The following COL25A1 variants were observed in gnomAD, a reference collection of about 807,000 sequenced individuals.
The protein encoded by COL25A1 is collagen alpha-1(XXV) chain.
COL25A1 carries 103 observed loss-of-function variants against 128.4 expected under a neutral mutation model. That is an observed-to-expected ratio of 0.80 (90% CI 0.68 to 0.94). COL25A1 has a LOEUF of 0.94. Ranked by LOEUF, COL25A1 falls within the 40% of genes least tolerant of loss-of-function variation. The pLI, the probability that COL25A1 is intolerant of heterozygous loss-of-function variation, is 0.00. For missense variants in COL25A1, 745 were observed against 840.0 expected (o/e 0.89, Z 1.40); for synonymous variants, 279 against 277.2 (o/e 1.01, Z -0.06).
chr4:108,844,605 T>C, intron 29 of COL25A1, 36 bp from the exon 30 acceptor site: 1 of 1,598,290 alleles, frequency 6.3e-7, no homozygotes, highest in Non-Finnish European at 8.5e-7. Context: ...ATTTGGTTAC[T>C]TCATTTAGAT....
chr4:109,290,063 C>A (rs985763905), intron 3 of COL25A1, among the ~76,000 whole-genome samples: 7 of 151,934 alleles, frequency 4.6e-5, no homozygotes, highest in African/African-American at 1.7e-4. Context: ...ATACATGTTA[C>A]TGATTATACA....
chr4:108,818,427 T>C (rs1040229583), intron 36 of COL25A1, among the ~76,000 whole-genome samples: 5 of 152,170 alleles, frequency 3.3e-5, no homozygotes, highest in Non-Finnish European at 7.4e-5. Flanking sequence ...TTTTTATTTA[T>C]ACCTCAGAAA....
At chr4:109,047,984 G>A (rs1453955897) in intron 5 of COL25A1, among the ~76,000 whole-genome samples, 184 bp downstream of exon 5, 3 of 151,784 alleles carry the variant, frequency 2.0e-5, no homozygotes, top group African/African-American at 4.8e-5. Flanking sequence ...CACCCGCCTC[G>A]GCCTCCCAAA....
intron 3 of COL25A1, among the ~76,000 whole-genome samples, chr4:109,060,246 T>TG (rs1428755757): frequency 6.6e-6 from 1 of 152,182 alleles, no homozygotes; most frequent in Non-Finnish European, 1.5e-5. Flanking sequence ...CAAGTGCTAC[T>TG]TAGGAGATAT....
intron 3 of COL25A1, among the ~76,000 whole-genome samples, chr4:109,235,547 TACACACAC>T: frequency 6.7e-6 from 1 of 150,032 alleles, no homozygotes; most frequent in African/African-American, 2.4e-5. Flanking sequence ...CACACACGAA[TACACACAC>T]ACACACACAC....
intron 16 of COL25A1, among the ~76,000 whole-genome samples, chr4:108,896,391 T>C (rs1578691361): frequency 6.6e-6 from 1 of 152,328 alleles, no homozygotes; most frequent in Middle Eastern, 3.4e-3. Context: ...TTTTAATTCC[T>C]TGAAAGCCAT....
At chr4:109,094,408 T>C (rs990344930) in intron 3 of COL25A1, among the ~76,000 whole-genome samples, 1 of 152,224 alleles carries the variant, frequency 6.6e-6, no homozygotes, top group Admixed American at 6.5e-5. Context: ...TCATTAAATA[T>C]ATCACTGTAA....
At chr4:109,080,977 C>G (rs1357437272) in intron 3 of COL25A1, among the ~76,000 whole-genome samples, 1 of 152,126 alleles carries the variant, frequency 6.6e-6, no homozygotes, top group Non-Finnish European at 1.5e-5. Flanking sequence ...GTAGTAGTAT[C>G]CACATTGAAC....
chr4:108,855,379 T>C (rs1239595779), intron 24 of COL25A1, among the ~76,000 whole-genome samples: 3 of 9,522 alleles, frequency 3.2e-4, no homozygotes, highest in African/African-American at 5.7e-4. Context: ...GTAAAGCTAC[T>C]TTTTTTTTGT....
rs192413514 is a variant in COL25A1 at position 109,104,729 on chromosome 4, A to G, written c.368-54550T>C. On this transcript the variant is annotated intron_variant, in intron 3 of 37. Transcript: ENST00000399132. ...TAATTTCTTCAACAACAGAAAAAAA[A>G]GAGAGAGAGAGGCAACCTATAAATT... Among the ~76,000 whole-genome samples, 282 of 152,154 alleles carry G rather than the reference A, an allele frequency of 1.9e-3. 1 individual carries two copies. The highest frequency in any genetic ancestry group is 6.6e-3 in the African/African-American group (274 of 41,540).
At chr4:109,276,911 T>C (rs1722906617) in intron 3 of COL25A1, among the ~76,000 whole-genome samples, 1 of 152,184 alleles carries the variant, frequency 6.6e-6, no homozygotes, top group African/African-American at 2.4e-5. Flanking sequence ...ACCACCACGC[T>C]TTCCTTAACA....
intron 3 of COL25A1, among the ~76,000 whole-genome samples, chr4:109,108,159 T>A (rs534717026): frequency 2.0e-5 from 3 of 152,336 alleles, no homozygotes; most frequent in Admixed American, 2.0e-4. Flanking sequence ...TAGGTATATC[T>A]CCTAATGCTA....
chr4:108,900,806 A>G (rs1470276964), intron 14 of COL25A1, among the ~76,000 whole-genome samples: 1 of 152,160 alleles, frequency 6.6e-6, no homozygotes, highest in African/African-American at 2.4e-5. Flanking sequence ...CTATGTTTTT[A>G]TATACCCACT....
chr4:108,893,704 T>A (rs543420159), intron 16 of COL25A1, among the ~76,000 whole-genome samples: 9 of 152,352 alleles, frequency 5.9e-5, no homozygotes, highest in African/African-American at 9.6e-5. Context: ...AAGGATTTTT[T>A]AAAATTTTTA....
At chr4:108,987,568 G>A (rs975778018) in intron 6 of COL25A1, among the ~76,000 whole-genome samples, 54 of 151,854 alleles carry the variant, frequency 3.6e-4, no homozygotes, top group Non-Finnish European at 6.5e-4. Context: ...TAGAGACGGG[G>A]TTTCACCATC....
At chr4:108,854,352 G>C (rs1156729660) in intron 24 of COL25A1, among the ~76,000 whole-genome samples, 1 of 152,070 alleles carries the variant, frequency 6.6e-6, no homozygotes, top group Non-Finnish European at 1.5e-5. Context: ...GGCAACAAGA[G>C]CCAAAATTGA....
intron 3 of COL25A1, among the ~76,000 whole-genome samples, chr4:109,150,131 T>C (rs1402537163): frequency 3.9e-5 from 6 of 151,998 alleles, no homozygotes; most frequent in Non-Finnish European, 8.8e-5. Context: ...GTATTGTCTC[T>C]AACTTATCTA....
chr4:108,837,821 A>G (rs1733988401), intron 31 of COL25A1, among the ~76,000 whole-genome samples: 1 of 152,192 alleles, frequency 6.6e-6, no homozygotes, highest in Non-Finnish European at 1.5e-5. Context: ...AGAAGGGGAC[A>G]ATGGAAGAGG....
chr4:109,047,953 C>T (rs1266513506), intron 5 of COL25A1, among the ~76,000 whole-genome samples: 2 of 151,886 alleles, frequency 1.3e-5, no homozygotes, highest in Admixed American at 6.6e-5. Context: ...AGGATGGTCT[C>T]GATCTCCTGA....
Sources: allele counts gnomAD v4.1 joint callset (sites outside exome capture counted in the v4.1 genomes callset), GRCh38; gene constraint gnomAD v4.1.1; transcripts MANE v1.5; gene names NCBI Gene and HGNC (gene_info 2026-07-23, HGNC 2026-07-21).